The following ABTB3 variants were observed in gnomAD, a reference collection of about 807,000 sequenced individuals.
The protein encoded by ABTB3 is ankyrin repeat- and BTB/POZ domain-containing protein 3.
At chr12:107,497,452 A>G in the ABTB3 span, among the ~76,000 whole-genome samples, 1 of 151,362 alleles carries the variant, frequency 6.6e-6, no homozygotes, top group Non-Finnish European at 1.5e-5. Flanking sequence ...CACCATCACC[A>G]TCATCACAAT....
chr12:107,528,406 A>G, the ABTB3 span, among the ~76,000 whole-genome samples: 1 of 152,216 alleles, frequency 6.6e-6, no homozygotes. Context: ...TTAAAGAAAA[A>G]CATTAAGTAA....
the ABTB3 span, among the ~76,000 whole-genome samples, chr12:107,602,831 C>G: frequency 6.6e-6 from 1 of 152,198 alleles, no homozygotes; most frequent in African/African-American, 2.4e-5. Context: ...GAAAGCAACG[C>G]CATCGCTTGC....
At chr12:107,556,077 A>G in the ABTB3 span, among the ~76,000 whole-genome samples, 864 of 151,480 alleles carry the variant, frequency 5.7e-3, 13 homozygotes, top group African/African-American at 0.02. Context: ...CAAGAATCTT[A>G]TGAGTCTGTC....
At chr12:107,325,870 C>G in the ABTB3 span, among the ~76,000 whole-genome samples, 4 of 152,120 alleles carry the variant, frequency 2.6e-5, no homozygotes, top group African/African-American at 4.8e-5. Context: ...ATTTTAAGAG[C>G]TTTATGTATT....
At chr12:107,629,108 G>T in the ABTB3 span, among the ~76,000 whole-genome samples, 2 of 152,140 alleles carry the variant, frequency 1.3e-5, no homozygotes, top group African/African-American at 4.8e-5. Context: ...GAGTTTCCTG[G>T]TAACTATGCT....
At chr12:107,471,788 A>G in the ABTB3 span, among the ~76,000 whole-genome samples, 1 of 152,128 alleles carries the variant, frequency 6.6e-6, no homozygotes. Flanking sequence ...CTGAGTGGGC[A>G]TTAACTCTGC....
At chr12:107,319,235 T>C in the ABTB3 span, 1 of 1,569,816 alleles carries the variant, frequency 6.4e-7, no homozygotes. Context: ...CGAGGTCCCC[T>C]GGACTCTCCA....
the ABTB3 span, among the ~76,000 whole-genome samples, chr12:107,590,103 A>G: frequency 6.6e-6 from 1 of 152,000 alleles, no homozygotes; most frequent in African/African-American, 2.4e-5. Flanking sequence ...TAGTAGAGAC[A>G]GGGTTTCGCC....
the ABTB3 span, among the ~76,000 whole-genome samples, chr12:107,485,670 G>A: frequency 6.6e-6 from 1 of 152,070 alleles, no homozygotes; most frequent in Non-Finnish European, 1.5e-5. Flanking sequence ...GGCAATAAAT[G>A]GGATCATTGT....
chr12:107,563,324 A>T, the ABTB3 span, among the ~76,000 whole-genome samples: 1 of 152,304 alleles, frequency 6.6e-6, no homozygotes, highest in South Asian at 2.1e-4. Flanking sequence ...TCATTCATTC[A>T]CTCAAAGAAA....
At chr12:107,416,596 A>T in the ABTB3 span, among the ~76,000 whole-genome samples, 2 of 152,176 alleles carry the variant, frequency 1.3e-5, no homozygotes, top group Non-Finnish European at 2.9e-5. Context: ...TGAACTAGAA[A>T]GCAGTTGGTT....
the ABTB3 span, among the ~76,000 whole-genome samples, chr12:107,623,107 C>A: frequency 8.7e-5 from 13 of 149,026 alleles, no homozygotes; most frequent in African/African-American, 2.7e-4. Flanking sequence ...GTTGCCCAGG[C>A]TGGAGTGCAA....
At chr12:107,639,215 TCAAG>T in the ABTB3 span, among the ~76,000 whole-genome samples, 1 of 152,178 alleles carries the variant, frequency 6.6e-6, no homozygotes, top group Non-Finnish European at 1.5e-5. Context: ...TACCCATTGC[TCAAG>T]CACACACACA....
At chr12:107,386,763 T>A in the ABTB3 span, among the ~76,000 whole-genome samples, 4 of 152,146 alleles carry the variant, frequency 2.6e-5, no homozygotes, top group Non-Finnish European at 5.9e-5. Context: ...CCTTTCTGTG[T>A]TACATCTTTT....
At chr12:107,556,156 G>A in the ABTB3 span, among the ~76,000 whole-genome samples, 1 of 150,940 alleles carries the variant, frequency 6.6e-6, no homozygotes, top group African/African-American at 2.4e-5. Context: ...GTGCAATGGT[G>A]CGATCTCGGC....
chr12:107,565,244 A>G, the ABTB3 span, among the ~76,000 whole-genome samples: 6 of 152,178 alleles, frequency 3.9e-5, no homozygotes, highest in African/African-American at 1.2e-4. Context: ...CTGTGGCTGC[A>G]GGACTTGAAG....
At chr12:107,575,152 A>G in the ABTB3 span, among the ~76,000 whole-genome samples, 38 of 152,306 alleles carry the variant, frequency 2.5e-4, no homozygotes, top group African/African-American at 9.1e-4. Context: ...TCTAAGAAAC[A>G]CTCAACAAAT....
At chr12:107,348,315 A>G in the ABTB3 span, among the ~76,000 whole-genome samples, 1 of 152,192 alleles carries the variant, frequency 6.6e-6, no homozygotes, top group South Asian at 2.1e-4. Context: ...ACACACATAC[A>G]TATTTTAACA....
the ABTB3 span, among the ~76,000 whole-genome samples, chr12:107,509,097 TGATACAGAGATGAG>T: frequency 6.6e-6 from 1 of 152,122 alleles, no homozygotes; most frequent in East Asian, 1.9e-4. Flanking sequence ...AGGAGCTCCT[TGATACAGAGATGAG>T]GAAACAGGGA....
Sources: gnomAD v4.1 joint callset for allele counts (sites outside exome capture counted in the v4.1 genomes callset) on GRCh38, gnomAD v4.1.1 for gene constraint, MANE v1.5 for transcripts, NCBI Gene and HGNC (gene_info 2026-07-23, HGNC 2026-07-21) for gene names.